PPP4R3B: variants seen among roughly 807,000 people sequenced by gnomAD.
The protein encoded by PPP4R3B is serine/threonine-protein phosphatase 4 regulatory subunit 3B.
PPP4R3B carries 52 observed loss-of-function variants against 95.4 expected under a neutral mutation model. The observed-to-expected ratio is 0.54, with a 90% CI of 0.44 to 0.69. The LOEUF (loss-of-function observed/expected upper bound fraction) is 0.69, where lower values mean the gene tolerates loss of function less well. Ranked by LOEUF, PPP4R3B falls within the 30% of genes least tolerant of loss-of-function variation. The pLI is 0.00. For missense variants in PPP4R3B, 1,003 were observed against 1,005.9 expected (o/e 1.00, Z 0.04); for synonymous variants, 407 against 343.9 (o/e 1.18, Z -2.03).
At chr2:55,581,319 C>T (rs1243832022) in intron 8 of PPP4R3B, among the ~76,000 whole-genome samples, 4 of 152,074 alleles carry the variant, frequency 2.6e-5, no homozygotes, top group South Asian at 2.1e-4. Context: ...AATCACATTG[C>T]TGTGTATTAA....
In PPP4R3B at chr2:55,598,519, T is replaced by G; in HGVS notation, c.818A>C (p.Gln273Pro). Residue 273 changes from glutamine (Q) to proline (P), a missense_variant, in exon 4 of 17, where the codon CAG becomes CCG. Physicochemically the swap from Gln to Pro is moderately conservative, Grantham distance 76 (BLOSUM62 -1). This residue lies in a region of PPP4R3B where 695 missense variants were observed against 686.2 expected (regional missense o/e 1.01). Transcript: ENST00000616407. Reference protein sequence around the residue: ...IHQTYRVQYIQDIILPTPSVF... With the variant: ...IHQTYRVQYIPDIILPTPSVF... ...AGATGGTGTGGGCAAAATGATGTCC[T>G]GAATGTACTGTACCCTGTAAGTCTG... 6.2e-7 allele frequency: 1 copy of G among 1,614,200 alleles called. No individual in the cohort carries two copies. Among genetic ancestry groups the G allele is most frequent in the Non-Finnish European group, 8.5e-7 (1 of 1,180,034 alleles).
Position 55,615,493 on chromosome 2 carries a change from C to A in PPP4R3B, c.156G>T (p.Leu52Phe). 1 of 1,587,402 alleles carries A rather than the reference C, an allele frequency of 6.3e-7. No homozygotes were observed. The highest frequency in any genetic ancestry group is 1.1e-5 in the South Asian group (1 of 87,170). The change falls in exon 2 of 17, where the codon TTG (leucine) becomes TTT (phenylalanine). Residue 52 changes from leucine to phenylalanine, a missense_variant. Leu to Phe is a conservative substitution (Grantham distance 22). Around this residue, in one of 3 missense-constraint regions of PPP4R3B, gnomAD observed 695 missense variants for 686.2 expected, o/e 1.01. Coordinates refer to ENST00000616407, the MANE Select transcript of PPP4R3B (RefSeq NM_001122964.3). ...VRAESDGSLL[L>F]ESKINPNTAY... ...CAGTATTTGGATTTATCTTTGATTC[C>A]AAGAGTAGTGATCCTGAAAGATAAA...
At chr2:55,581,520 T>C (rs1025407470) in intron 8 of PPP4R3B, 47 bp downstream of exon 8, 8 of 1,581,230 alleles carry the variant, frequency 5.1e-6, no homozygotes, top group Admixed American at 1.8e-5. Context: ...CAAAGCCACC[T>C]AAAACTGACT....
intron 2 of PPP4R3B, among the ~76,000 whole-genome samples, chr2:55,611,582 C>A (rs954649861): frequency 6.6e-6 from 1 of 152,192 alleles, no homozygotes; most frequent in Non-Finnish European, 1.5e-5. Flanking sequence ...TGACATTCAG[C>A]TTGACTCATT....
Position 55,568,212 on chromosome 2 carries a change from C to T in PPP4R3B, c.1917G>A (p.Leu639=), listed in dbSNP as rs143418918. 104 of 1,554,404 alleles carry T rather than the reference C, an allele frequency of 6.7e-5. No homozygotes were observed. The African/African-American group carries it at 9.2e-4, about 14-fold the overall frequency. The change falls in exon 13 of 17, where the codon TTG becomes TTA. Residue 639 remains leucine, a synonymous_variant. Coordinates refer to ENST00000616407, the MANE Select transcript of PPP4R3B (RefSeq NM_001122964.3). ...YNLLNSAVIE[L]FEFIRVEDIK... is the part of the protein sequence containing the mutation. ...AACTTACCACTCTTATAAATTCAAACAACTCAATAACAGCTGAATTCAACA... is the reference window on the plus strand; with the variant it reads ...AACTTACCACTCTTATAAATTCAAATAACTCAATAACAGCTGAATTCAACA...
At chr2:55,611,465 T>A (rs1255796335) in intron 2 of PPP4R3B, among the ~76,000 whole-genome samples, 1 of 152,238 alleles carries the variant, frequency 6.6e-6, no homozygotes. Context: ...TTTAAATGCT[T>A]AAGTTTATTG....
chr2:55,611,501 G>A (rs1345780704), intron 2 of PPP4R3B, among the ~76,000 whole-genome samples: 1 of 152,092 alleles, frequency 6.6e-6, no homozygotes, highest in Non-Finnish European at 1.5e-5. Flanking sequence ...TTCCATTAAC[G>A]ACTTCAGTAC....
At position 55,577,294 on chromosome 2, in the gene PPP4R3B, A is replaced by C. The variant is rs1421027344; in HGVS notation, c.1606+21T>G. 8.4e-6 allele frequency: 13 copies of C among 1,548,474 alleles called. No individual in the cohort carries two copies. The East Asian group carries it at 3.1e-4, about 37-fold the overall frequency. ...AAGTTTATAATTTGCATGTATTCAT[A>C]AAGTATGAATTCATACTTACCGGGA... is the stretch of plus-strand genomic sequence containing the variant. On this transcript the variant is annotated intron_variant, in intron 11 of 16. Coordinates refer to ENST00000616407, the MANE Select transcript of PPP4R3B (RefSeq NM_001122964.3).
intron 11 of PPP4R3B, among the ~76,000 whole-genome samples, chr2:55,574,014 G>C (rs976393857): frequency 2.0e-5 from 3 of 149,394 alleles, no homozygotes; most frequent in African/African-American, 7.4e-5. Flanking sequence ...TCAGCTGCCA[G>C]AGTAGCTGGA....
chr2:55,591,302 A>AT (rs1231699063), intron 4 of PPP4R3B, among the ~76,000 whole-genome samples: 61 of 145,452 alleles, frequency 4.2e-4, no homozygotes, highest in African/African-American at 1.2e-3. Flanking sequence ...ATACCTGGCT[A>AT]TTTTTTTTTT....
At chr2:55,557,132 T>C (rs995255243) in intron 16 of PPP4R3B, among the ~76,000 whole-genome samples, 1 of 152,128 alleles carries the variant, frequency 6.6e-6, no homozygotes, top group Non-Finnish European at 1.5e-5. Context: ...AAATAACTTA[T>C]ACAAGGTGAT....
intron 4 of PPP4R3B, among the ~76,000 whole-genome samples, chr2:55,596,816 T>C (rs1446210845): frequency 6.6e-6 from 1 of 151,866 alleles, no homozygotes; most frequent in Non-Finnish European, 1.5e-5. Flanking sequence ...TACAAAAAAT[T>C]AGTCGAGTGT....
intron 15 of PPP4R3B, among the ~76,000 whole-genome samples, chr2:55,560,345 G>C (rs1260295486): frequency 6.6e-6 from 1 of 152,206 alleles, no homozygotes; most frequent in Non-Finnish European, 1.5e-5. Context: ...TTCGGAACTG[G>C]AGTAAAGGTC....
At chr2:55,583,502 T>C (rs1689698679) in intron 7 of PPP4R3B, among the ~76,000 whole-genome samples, 1 of 152,232 alleles carries the variant, frequency 6.6e-6, no homozygotes, top group South Asian at 2.1e-4. Flanking sequence ...TTAAGAATTC[T>C]GAAAGTTAAC....
Position 55,577,376 on chromosome 2 carries a change from TTAAAA to T in PPP4R3B, c.1565-25_1565-21del, listed in dbSNP as rs763736882. 2.5e-5 allele frequency: 36 copies of T among 1,448,250 alleles called. No homozygotes were observed. The highest frequency in any genetic ancestry group is 8.0e-5 in the East Asian group (3 of 37,276). The allele number at this position is 1,448,250 out of a possible 1,614,324, so 89.7% of individuals were successfully genotyped here. ...TATTATCTAATAAAAAAATTAAAAA[TTAAAA>T]TAAAATACTTCAGTAATAATATCCC... On this transcript the variant is annotated intron_variant, in intron 10 of 16. Transcript: ENST00000616407.
At chr2:55,581,423 C>T in intron 8 of PPP4R3B, 144 bp downstream of exon 8, 108 of 838,288 alleles carry the variant, frequency 1.3e-4, no homozygotes, top group South Asian at 3.9e-4. Context: ...TGTATTTTAC[C>T]ACAAATGAAT....
chr2:55,596,222 C>T (rs781117165), intron 4 of PPP4R3B, among the ~76,000 whole-genome samples: 15 of 152,206 alleles, frequency 9.9e-5, no homozygotes, highest in South Asian at 4.1e-4. Context: ...TACATAAACA[C>T]GCTCTTTGAG....
intron 7 of PPP4R3B, among the ~76,000 whole-genome samples, chr2:55,584,601 G>A (rs1434203681): frequency 6.6e-6 from 1 of 152,028 alleles, no homozygotes. Flanking sequence ...TACGATGTTT[G>A]GTTTTCTATT....
chr2:55,571,253 T>A (rs1687959072), intron 12 of PPP4R3B, among the ~76,000 whole-genome samples: 1 of 151,804 alleles, frequency 6.6e-6, no homozygotes, highest in Non-Finnish European at 1.5e-5. Flanking sequence ...GAAGCTGCAG[T>A]GAGCTGAGAC....
Sources: allele counts gnomAD v4.1 joint callset (sites outside exome capture counted in the v4.1 genomes callset), GRCh38; gene constraint gnomAD v4.1.1; regional missense constraint gnomAD v4.1.1; transcripts MANE v1.5; gene names NCBI Gene and HGNC (gene_info 2026-07-23, HGNC 2026-07-21).